The following CAMKMT variants were observed in gnomAD, a reference collection of about 807,000 sequenced individuals.
The protein encoded by CAMKMT is CaM KMT.
CAMKMT carries 53 observed loss-of-function variants against 48.0 expected under a neutral mutation model. That is an observed-to-expected ratio of 1.10 (90% CI 0.89 to 1.39). The LOEUF is 1.39. CAMKMT is among the 40% of genes most tolerant of loss of function. The probability of loss-of-function intolerance (pLI) is 0.00; values close to 1 mark genes in which losing one functional copy is unlikely to be tolerated. For missense variants in CAMKMT, 428 were observed against 402.7 expected (o/e 1.06, Z -0.54); for synonymous variants, 165 against 152.3 (o/e 1.08, Z -0.61).
chr2:44,441,336 TG>T (rs1042990799), intron 3 of CAMKMT, among the ~76,000 whole-genome samples: 4 of 152,200 alleles, frequency 2.6e-5, no homozygotes, highest in African/African-American at 9.6e-5. Flanking sequence ...TCAGTGTTGC[TG>T]GGTGATAACA....
chr2:44,597,126 G>T (rs183307030), intron 3 of CAMKMT, among the ~76,000 whole-genome samples: 52 of 152,252 alleles, frequency 3.4e-4, no homozygotes, highest in East Asian at 3.3e-3. Flanking sequence ...CTGTCTGGGG[G>T]TGTCAGTAGT....
chr2:44,435,337 G>T (rs572327537), intron 3 of CAMKMT, among the ~76,000 whole-genome samples: 6 of 151,884 alleles, frequency 4.0e-5, no homozygotes, highest in Admixed American at 3.3e-4. Context: ...TGTTGGGCAC[G>T]CATCCAAAAA....
intron 3 of CAMKMT, among the ~76,000 whole-genome samples, chr2:44,407,326 G>C (rs933800020): frequency 6.6e-6 from 1 of 152,164 alleles, no homozygotes; most frequent in Non-Finnish European, 1.5e-5. Flanking sequence ...TTCAAGGCTT[G>C]TGGTAGGGCC....
intron 3 of CAMKMT, among the ~76,000 whole-genome samples, chr2:44,471,636 C>G (rs75412170): frequency 0.016 from 2,403 of 152,120 alleles, 24 homozygotes; most frequent in Non-Finnish European, 0.02. Flanking sequence ...AGAACATGAC[C>G]TTGGAGTCAA....
chr2:44,701,003 T>A (rs1302129632), intron 3 of CAMKMT, among the ~76,000 whole-genome samples: 1 of 152,204 alleles, frequency 6.6e-6, no homozygotes, highest in African/African-American at 2.4e-5. Context: ...AATAATCCAT[T>A]GTATGGACGT....
At chr2:44,404,991 C>T (rs1450097765) in intron 3 of CAMKMT, among the ~76,000 whole-genome samples, 2 of 151,888 alleles carry the variant, frequency 1.3e-5, no homozygotes, top group African/African-American at 2.4e-5. Flanking sequence ...GGCAAAAATA[C>T]GAAAATGCGT....
chr2:44,481,574 T>C lies in CAMKMT; in HGVS notation c.376+91269T>C, dbSNP rs148880366. Among the ~76,000 whole-genome samples the C allele has an allele frequency of 2.2e-3, 328 of 152,226 alleles. No individual in the cohort carries two copies. The Middle Eastern group carries it at 0.027, about 13-fold the overall frequency. On this transcript the variant is annotated intron_variant, in intron 3 of 10. Coordinates refer to ENST00000378494, the MANE Select transcript of CAMKMT (RefSeq NM_024766.5). ...TTATATTATTTTCTTATGTAACTTA[T>C]GAACATGTAAGGATGATCACTTTGT...
chr2:44,727,605 C>A (rs1017981853), intron 7 of CAMKMT, among the ~76,000 whole-genome samples: 8 of 152,112 alleles, frequency 5.3e-5, no homozygotes, highest in African/African-American at 1.9e-4. Context: ...TTATTTCTTT[C>A]TCTTTGCTAA....
intron 3 of CAMKMT, among the ~76,000 whole-genome samples, chr2:44,592,137 A>G (rs901896983): frequency 4.2e-4 from 64 of 152,054 alleles, no homozygotes; most frequent in Admixed American, 8.5e-4. Flanking sequence ...TGGGTGCAGC[A>G]CACCAGCATG....
chr2:44,768,359 A>ATTTTT (rs202087319), intron 10 of CAMKMT, among the ~76,000 whole-genome samples: 1 of 101,546 alleles, frequency 9.8e-6, no homozygotes, highest in African/African-American at 4.0e-5. Context: ...ATATATATAT[A>ATTTTT]TATTTTTTTT....
chr2:44,679,654 G>A (rs1055375455), intron 3 of CAMKMT, among the ~76,000 whole-genome samples: 1 of 152,218 alleles, frequency 6.6e-6, no homozygotes, highest in Non-Finnish European at 1.5e-5. Context: ...TATTCTTATA[G>A]TTATGAGAAA....
intron 3 of CAMKMT, among the ~76,000 whole-genome samples, chr2:44,594,846 A>C (rs1177936605): frequency 6.6e-6 from 1 of 152,222 alleles, no homozygotes; most frequent in East Asian, 1.9e-4. Context: ...TCTGCACAGC[A>C]AAAGAAACTA....
chr2:44,598,082 CTAA>C (rs908917326), intron 3 of CAMKMT, among the ~76,000 whole-genome samples: 3 of 152,044 alleles, frequency 2.0e-5, no homozygotes, highest in African/African-American at 7.2e-5. Flanking sequence ...AGTTGTAGCT[CTAA>C]TAATGATTAT....
At chr2:44,452,530 C>A (rs1309079753) in intron 3 of CAMKMT, among the ~76,000 whole-genome samples, 1 of 151,878 alleles carries the variant, frequency 6.6e-6, no homozygotes, top group Admixed American at 6.6e-5. Flanking sequence ...ATTAAACACA[C>A]AAAAAAATAT....
At chr2:44,638,059 CA>C (rs1004353493) in intron 3 of CAMKMT, among the ~76,000 whole-genome samples, 287 of 58,600 alleles carry the variant, frequency 4.9e-3, no homozygotes, top group African/African-American at 0.01. Context: ...CATCTCAAAC[CA>C]AAAAAAAAAA....
At chr2:44,477,217 A>G (rs1273023793) in intron 3 of CAMKMT, among the ~76,000 whole-genome samples, 1 of 152,160 alleles carries the variant, frequency 6.6e-6, no homozygotes, top group Non-Finnish European at 1.5e-5. Flanking sequence ...GAGCTTGGAG[A>G]TTTGATCTAA....
chr2:44,403,097 G>T (rs967733642), intron 3 of CAMKMT, among the ~76,000 whole-genome samples: 3 of 152,120 alleles, frequency 2.0e-5, no homozygotes, highest in Non-Finnish European at 2.9e-5. Context: ...AGTTTCCTCT[G>T]TGGGATGATC....
At chr2:44,758,048 A>G (rs768075522) in intron 9 of CAMKMT, among the ~76,000 whole-genome samples, 4 of 152,216 alleles carry the variant, frequency 2.6e-5, no homozygotes, top group Non-Finnish European at 4.4e-5. Flanking sequence ...AGGATTGCCT[A>G]CCTGGATGAA....
At chr2:44,766,597 C>A in intron 10 of CAMKMT, 36 bp downstream of exon 10, 3 of 1,609,416 alleles carry the variant, frequency 1.9e-6, no homozygotes, top group Non-Finnish European at 2.5e-6. Flanking sequence ...ACACTTTAAT[C>A]CGCATTGCAT....
Sources: allele counts gnomAD v4.1 joint callset (sites outside exome capture counted in the v4.1 genomes callset), GRCh38; gene constraint gnomAD v4.1.1; transcripts MANE v1.5; gene names NCBI Gene and HGNC (gene_info 2026-07-23, HGNC 2026-07-21).